SAFB: variants seen among roughly 807,000 people sequenced by gnomAD.
SAFB encodes scaffold attachment factor B.
A neutral mutation model predicts 101.6 loss-of-function variants in SAFB; 15 were observed. The observed-to-expected ratio is 0.15, with a 90% CI of 0.10 to 0.23. The LOEUF is 0.23. SAFB is among the 10% of genes least tolerant of loss of function. SAFB has a pLI of 1.00. For missense variants in SAFB, 930 were observed against 1,104.1 expected (o/e 0.84, Z 2.23); for synonymous variants, 449 against 407.5 (o/e 1.10, Z -1.23).
intron 1 of SAFB, among the ~76,000 whole-genome samples, chr19:5,623,680 C>T (rs376956865): frequency 1.3e-5 from 2 of 152,118 alleles, no homozygotes; most frequent in South Asian, 2.1e-4. Context: ...AGGGTTCTCC[C>T]CTCGTCTCGT....
Position 5,667,113 on chromosome 19 carries a change from A to G in SAFB, c.2402A>G (p.Tyr801Cys), listed in dbSNP as rs746868092. The part of the protein sequence containing the change: ...GRDSRDGWGG[Y>C]GSDKRMSEGR... ...GACTCCCGCGATGGCTGGGGGGGCT[A>G]TGGCTCTGACAAGAGGATGAGCGAG... The change falls in exon 18 of 21, where the codon TAT becomes TGT. Residue 801 changes from tyrosine (Y) to cysteine (C), a missense_variant. By Grantham distance (194) the Tyr-to-Cys change is radical. Around this residue, in one of 7 missense-constraint regions of SAFB, gnomAD observed 318 missense variants for 342.6 expected, o/e 0.93. Transcript: ENST00000588852. The surrounding 1 kb of genome is among the most constrained non-coding windows in gnomAD (Gnocchi z 4.0). 3.7e-6 allele frequency: 6 copies of G among 1,612,320 alleles called. No homozygotes were observed. Among genetic ancestry groups the G allele is most frequent in the Middle Eastern group, 1.6e-4 (1 of 6,084 alleles).
intron 16 of SAFB, 61 bp downstream of exon 16, chr19:5,664,220 A>G (rs2053013465): frequency 1.3e-6 from 2 of 1,575,968 alleles, no homozygotes; most frequent in Admixed American, 1.7e-5. Flanking sequence ...CTGACTGAGA[A>G]CAAGGACTCC....
chr19:5,663,973 A>G (rs542203848), intron 15 of SAFB, 49 bp from the exon 16 acceptor site: 2 of 1,591,008 alleles, frequency 1.3e-6, no homozygotes, highest in South Asian at 2.3e-5. Flanking sequence ...GGTGATAGAT[A>G]CATTTGGGGT....
intron 2 of SAFB, among the ~76,000 whole-genome samples, 182 bp from the exon 3 acceptor site, chr19:5,641,412 G>T (rs966687334): frequency 5.3e-5 from 8 of 151,730 alleles, no homozygotes; most frequent in African/African-American, 1.9e-4. Flanking sequence ...AACCTCTTCT[G>T]CTTGGGGGTG....
chr19:5,661,338 C>T, intron 14 of SAFB, 180 bp from the exon 15 acceptor site: 1 of 1,099,042 alleles, frequency 9.1e-7, no homozygotes, highest in Admixed American at 2.9e-5. Context: ...CTCCTGAGAT[C>T]TTCCTGGGCT....
At chr19:5,663,806 C>T (rs73920040) in intron 15 of SAFB, among the ~76,000 whole-genome samples, 97 of 152,220 alleles carry the variant, frequency 6.4e-4, no homozygotes, top group African/African-American at 2.1e-3. Context: ...TTTGGAAAAC[C>T]GAGGCCGCTT....
intron 15 of SAFB, among the ~76,000 whole-genome samples, chr19:5,662,236 G>T (rs1032314602): frequency 2.0e-5 from 3 of 152,126 alleles, no homozygotes; most frequent in African/African-American, 4.8e-5. Context: ...GCTAGTTCAC[G>T]CCTGTAATCC....
intron 9 of SAFB, 63 bp downstream of exon 9, chr19:5,651,135 G>A: frequency 9.8e-7 from 1 of 1,019,154 alleles, no homozygotes; most frequent in Non-Finnish European, 1.5e-6. Context: ...CCTTTACATG[G>A]AGGTCCTCTC....
At position 5,652,530 on chromosome 19, in the gene SAFB, C is replaced by T. The variant is rs1160057019; in HGVS notation, c.1294-585C>T. 2.0e-5 allele frequency among the ~76,000 whole-genome samples: 3 copies of T among 152,168 alleles called. No homozygotes were observed. In the East Asian group the frequency reaches 5.8e-4, roughly 29 times the overall value. ...GGCCACTGGCTGCTGCAGGGCTTTT[C>T]CTGAGCCATGGTGTCTTCTGCCGTC... On this transcript the variant is annotated intron_variant, in intron 9 of 20. Transcript: ENST00000588852.
chr19:5,650,087 A>T lies in SAFB; in HGVS notation c.1198+112A>T, dbSNP rs1016761779. ...GCTCCTTACCCAGGAGACTCCTGAG[A>T]CGTTTGTGCAGTCTTTCTCCTTCTC... On this transcript the variant is annotated intron_variant, in intron 8 of 20. Transcript: ENST00000588852. 1.1e-5 allele frequency: 9 copies of T among 812,914 alleles called. No individual in the cohort carries two copies. The African/African-American group carries it at 1.5e-4, about 14-fold the overall frequency. 50.4% of individuals were successfully genotyped at this position (812,914 alleles called of 1,614,324 possible). A position where few individuals can be genotyped will look rare whatever the true frequency, so the allele number is the denominator to read the frequency against.
intron 7 of SAFB, 134 bp from the exon 8 acceptor site, chr19:5,649,792 A>G: frequency 2.3e-6 from 2 of 865,102 alleles, no homozygotes; most frequent in South Asian, 1.6e-5. Flanking sequence ...GATTTTCAAT[A>G]CAAGTTTGTC....
Position 5,626,430 on chromosome 19 carries a change from C to G in SAFB, c.215C>G (p.Pro72Arg). The part of the protein sequence containing the change: ...KKAIEDEGGN[P>R]DEIEITSEGN... ...GCAATTGAAGATGAAGGTGGTAATC[C>G]TGACGAAATTGAAATTACCTCCGAG... is the stretch of plus-strand genomic sequence containing the variant. Residue 72 changes from proline to arginine, a missense_variant, in exon 2 of 21, where the codon CCT (proline) becomes CGT (arginine). This residue lies in a region of SAFB where 119 missense variants were observed against 171.4 expected (regional missense o/e 0.69). Transcript: ENST00000588852. The G allele has an allele frequency of 6.2e-7, 1 of 1,609,940 alleles. No homozygotes were observed. Among genetic ancestry groups the G allele is most frequent in the Non-Finnish European group, 8.5e-7 (1 of 1,176,202 alleles).
intron 2 of SAFB, among the ~76,000 whole-genome samples, chr19:5,633,778 C>CAA (rs555460053): frequency 2.2e-4 from 27 of 120,814 alleles, no homozygotes; most frequent in Non-Finnish European, 4.1e-4. Context: ...GACTCCGTCT[C>CAA]AAAAAAAAAA....
intron 2 of SAFB, among the ~76,000 whole-genome samples, chr19:5,630,300 C>T (rs527604146): frequency 6.6e-6 from 1 of 152,002 alleles, no homozygotes; most frequent in Non-Finnish European, 1.5e-5. Context: ...TGCCCTTTGC[C>T]GATTTCTGTG....
chr19:5,650,080 T>C, intron 8 of SAFB, 105 bp downstream of exon 8: 1 of 870,058 alleles, frequency 1.1e-6, no homozygotes, highest in Non-Finnish European at 1.9e-6. Context: ...CCCAGGAGAC[T>C]CCTGAGACGT....
At chr19:5,656,575 A>ATTTTT (rs918418902) in intron 13 of SAFB, among the ~76,000 whole-genome samples, 6 of 128,356 alleles carry the variant, frequency 4.7e-5, no homozygotes, top group African/African-American at 8.8e-5. Flanking sequence ...TGCGCCAGCA[A>ATTTTT]TTTTTTTTTT....
intron 2 of SAFB, among the ~76,000 whole-genome samples, chr19:5,637,802 A>T (rs1358755392): frequency 1.3e-5 from 2 of 152,248 alleles, no homozygotes. Context: ...GAATGCTAGG[A>T]AGCTGTGCTG....
intron 1 of SAFB, among the ~76,000 whole-genome samples, chr19:5,624,380 A>G (rs1054911308): frequency 6.6e-6 from 1 of 152,058 alleles, no homozygotes; most frequent in Admixed American, 6.5e-5. Flanking sequence ...TCTCTGTGCC[A>G]CCACGAGTCC....
Position 5,634,613 on chromosome 19 carries a change from T to G in SAFB, c.275-6981T>G, listed in dbSNP as rs111397210. Among the ~76,000 whole-genome samples the G allele has an allele frequency of 2.4e-3, 359 of 152,192 alleles. 3 individuals carry two copies. The highest frequency in any genetic ancestry group is 7.7e-3 in the African/African-American group (322 of 41,550). ...TATGCAACAGTCTGGGAGAAAATAT[T>G]ATAGCACAGAATAAGGAAGAAACTC... is the stretch of plus-strand genomic sequence containing the variant. On this transcript the variant is annotated intron_variant, in intron 2 of 20. Coordinates refer to ENST00000588852, the MANE Select transcript of SAFB (RefSeq NM_001201338.2).
Sources: allele counts gnomAD v4.1 joint callset (sites outside exome capture counted in the v4.1 genomes callset), GRCh38; gene constraint gnomAD v4.1.1; regional missense constraint gnomAD v4.1.1; non-coding constraint Gnocchi (gnomAD v3.1); transcripts MANE v1.5; gene names NCBI Gene and HGNC (gene_info 2026-07-23, HGNC 2026-07-21).